Variants in DPYD observed in about 807,000 individuals in gnomAD.
DPYD encodes the protein dihydropyrimidine dehydrogenase.
In DPYD, 109 loss-of-function variants were observed where a neutral mutation model predicts 116.2. The ratio of observed to expected loss-of-function variants is 0.94; its 90% CI spans 0.80 to 1.10. The LOEUF (loss-of-function observed/expected upper bound fraction) is 1.10, where lower values mean the gene tolerates loss of function less well. DPYD is among the 50% of genes least tolerant of loss of function. DPYD has a pLI of 0.00. For synonymous variants in DPYD, 440 were observed against 432.0 expected, an observed-to-expected ratio of 1.02 and a Z score of -0.23; for missense variants, 1,302 against 1,254.5, an observed-to-expected ratio of 1.04 and a Z score of -0.57.
At chr1:97,135,745 C>A (rs1653737437) in intron 20 of DPYD, among the ~76,000 whole-genome samples, 2 of 151,966 alleles carry the variant, frequency 1.3e-5, no homozygotes, top group East Asian at 1.9e-4. Flanking sequence ...CTATACTCAC[C>A]CCACATGGGT....
At chr1:97,797,798 T>C (rs1667647246) in intron 3 of DPYD, 1 of 152,092 alleles carries the variant, frequency 6.6e-6, no homozygotes, top group East Asian at 1.9e-4. Context: ...CTTCAAAACA[T>C]AGTAAGCCTT....
At chr1:97,409,338 C>G (rs1041771632) in intron 14 of DPYD, among the ~76,000 whole-genome samples, 9 of 152,006 alleles carry the variant, frequency 5.9e-5, no homozygotes, top group Non-Finnish European at 1.3e-4. Flanking sequence ...CTGGTGGGTA[C>G]AAGAGTGGTA....
chr1:97,720,176 A>T (rs1662843703), intron 5 of DPYD: 1 of 984,846 alleles, frequency 1.0e-6, no homozygotes, highest in African/African-American at 1.8e-5. Context: ...ACACACACAC[A>T]CACACACACA....
chr1:97,283,677 T>C lies in DPYD; in HGVS notation c.2299+21582A>G, dbSNP rs115655270. Among the ~76,000 whole-genome samples, 1,155 of 152,286 alleles carry C rather than the reference T, an allele frequency of 7.6e-3. 13 individuals carry two copies. The highest frequency in any genetic ancestry group is 0.027 in the African/African-American group (1,103 of 41,568). On this transcript the variant is annotated intron_variant, in intron 18 of 22. Coordinates refer to ENST00000370192, the MANE Select transcript of DPYD (RefSeq NM_000110.4). ...ATGAGTCTTCTACTATAAGAACATATTGTGTTTTGTCATATATTCAAAGCT... is the reference window on the plus strand; with the variant it reads ...ATGAGTCTTCTACTATAAGAACATACTGTGTTTTGTCATATATTCAAAGCT...
At chr1:97,122,492 ACAC>A (rs1276511418) in intron 20 of DPYD, among the ~76,000 whole-genome samples, 1 of 152,174 alleles carries the variant, frequency 6.6e-6, no homozygotes. Flanking sequence ...AAAGAGTCAT[ACAC>A]TTACATTTCA....
At chr1:97,604,563 C>T (rs934466032) in intron 8 of DPYD, among the ~76,000 whole-genome samples, 1 of 151,456 alleles carries the variant, frequency 6.6e-6, no homozygotes, top group African/African-American at 2.4e-5. Flanking sequence ...ATAAGTTTTC[C>T]AAAAAAATTA....
intron 14 of DPYD, among the ~76,000 whole-genome samples, chr1:97,416,973 A>G (rs1674323163): frequency 1.3e-5 from 2 of 152,216 alleles, no homozygotes; most frequent in Non-Finnish European, 2.9e-5. Context: ...AGCCAGATAT[A>G]GTGAAGTCTG....
intron 3 of DPYD, among the ~76,000 whole-genome samples, chr1:97,756,147 T>C (rs1333674924): frequency 2.6e-5 from 4 of 152,102 alleles, no homozygotes; most frequent in South Asian, 4.1e-4. Flanking sequence ...AGAAGGGAAG[T>C]AGTATGTTGA....
At chr1:97,666,396 C>T (rs1045418561) in intron 8 of DPYD, among the ~76,000 whole-genome samples, 1 of 152,004 alleles carries the variant, frequency 6.6e-6, no homozygotes, top group Non-Finnish European at 1.5e-5. Flanking sequence ...TGGCCTCAGG[C>T]GATCCTCCTG....
chr1:97,778,584 C>T (rs1319818788), intron 3 of DPYD, among the ~76,000 whole-genome samples: 1 of 152,100 alleles, frequency 6.6e-6, no homozygotes, highest in Non-Finnish European at 1.5e-5. Flanking sequence ...ATAACTATTA[C>T]ACAATATTCA....
In DPYD at chr1:97,279,634, C is replaced by T. The variant is rs555075115; in HGVS notation, c.2299+25625G>A. Among the ~76,000 whole-genome samples the T allele has an allele frequency of 2.3e-4, 35 of 152,214 alleles. No individual in the cohort carries two copies. The South Asian group carries it at 6.6e-3, about 29-fold the overall frequency. ...CGAGCGATTCTCCTGCCTCAGCCTC[C>T]GAGTAGCTGGGACAACAGGTGTGCA... On this transcript the variant is annotated intron_variant, in intron 18 of 22. Transcript: ENST00000370192.
intron 8 of DPYD, among the ~76,000 whole-genome samples, chr1:97,673,522 C>A (rs1042550743): frequency 4.6e-5 from 7 of 152,192 alleles, no homozygotes; most frequent in African/African-American, 1.4e-4. Context: ...GTATAAAGTT[C>A]CTACTATGTA....
chr1:97,672,928 T>C (rs1659948480), intron 8 of DPYD, among the ~76,000 whole-genome samples: 1 of 152,128 alleles, frequency 6.6e-6, no homozygotes, highest in African/African-American at 2.4e-5. Flanking sequence ...TTTCTGATGG[T>C]AACTAAAAGA....
intron 6 of DPYD, among the ~76,000 whole-genome samples, chr1:97,693,343 A>G (rs1661130767): frequency 2.0e-5 from 3 of 151,856 alleles, no homozygotes; most frequent in Non-Finnish European, 4.4e-5. Flanking sequence ...CAAGGTATCA[A>G]ACACCATAAA....
intron 3 of DPYD, among the ~76,000 whole-genome samples, chr1:97,745,999 T>C (rs1031407212): frequency 6.6e-6 from 1 of 151,996 alleles, no homozygotes; most frequent in Non-Finnish European, 1.5e-5. Context: ...CCAATTTTAG[T>C]TTAGGAAAAA....
chr1:97,828,127 G>A lies in DPYD; in HGVS notation c.220C>T (p.Arg74Ter), dbSNP rs189768576. 47 of 1,613,534 alleles carry A rather than the reference G, an allele frequency of 2.9e-5. No homozygotes were observed. The East Asian group carries it at 7.1e-4, about 24-fold the overall frequency. Reference protein sequence around the residue: ...HTTLGERGALREAMRCLKCAD... With the variant: ...HTTLGERGAL The stretch of plus-strand genomic sequence containing the variant: ...ACCCAGACTTACCTCATTGCTTCTC[G>A]GAGAGCTCCTCGCTCACCAAGAGTC... The change falls in exon 3 of 23, where the codon CGA (arginine) becomes TGA (stop). Residue 74 changes from arginine (R) to a stop codon, truncating the protein, a stop_gained. Coordinates refer to ENST00000370192, the MANE Select transcript of DPYD (RefSeq NM_000110.4). LOFTEE classifies it high-confidence loss of function.
intron 8 of DPYD, among the ~76,000 whole-genome samples, chr1:97,666,717 T>A (rs183433718): frequency 6.6e-6 from 1 of 152,320 alleles, no homozygotes; most frequent in East Asian, 1.9e-4. Context: ...GGTTGGTTTC[T>A]CACCATGGGG....
intron 8 of DPYD, among the ~76,000 whole-genome samples, chr1:97,665,768 T>G (rs376848837): frequency 6.6e-6 from 1 of 152,346 alleles, no homozygotes; most frequent in East Asian, 1.9e-4. Context: ...TTGTTATTCA[T>G]AGCAAGATGA....
intron 8 of DPYD, among the ~76,000 whole-genome samples, chr1:97,656,048 C>G (rs1246059080): frequency 3.3e-5 from 5 of 152,142 alleles, no homozygotes; most frequent in Non-Finnish European, 7.4e-5. Context: ...ATTTCCTGAG[C>G]TCTAATTTTG....
Sources: gnomAD v4.1 joint callset for allele counts (sites outside exome capture counted in the v4.1 genomes callset) on GRCh38, gnomAD v4.1.1 for gene constraint, MANE v1.5 for transcripts, NCBI Gene and HGNC (gene_info 2026-07-23, HGNC 2026-07-21) for gene names.